Variants in OSCAR observed in about 807,000 individuals in gnomAD.
OSCAR encodes the protein osteoclast-associated immunoglobulin-like receptor.
OSCAR carries 25 observed loss-of-function variants against 27.3 expected under a neutral mutation model. The observed-to-expected ratio is 0.92, with a 90% confidence interval of 0.67 to 1.28. The LOEUF is 1.28. Ranked by LOEUF, OSCAR falls within the 50% of genes most tolerant of loss-of-function variation. OSCAR has a pLI of 0.00. For synonymous variants in OSCAR, 158 were observed against 165.7 expected, an observed-to-expected ratio of 0.95 and a Z score of 0.36; for missense variants, 354 against 355.1, an observed-to-expected ratio of 1.00 and a Z score of 0.03.
In OSCAR at chr19:54,096,847, A is replaced by C. The variant is rs1167479183; in HGVS notation, c.373+15T>G. 4 of 1,606,196 alleles carry C rather than the reference A, an allele frequency of 2.5e-6. No homozygotes were observed. The highest frequency in any genetic ancestry group is 3.4e-6 in the Non-Finnish European group (4 of 1,175,762). ...TTGTTCCACCCACTTCTCCTCCCCG[A>C]CCCCAGGACCTCACCTGTCACCAGC... On this transcript the variant is annotated intron_variant, in intron 3 of 4. Transcript: ENST00000358375.
intron 2 of OSCAR, among the ~76,000 whole-genome samples, chr19:54,098,379 A>G (rs1278940868): frequency 6.6e-6 from 1 of 152,128 alleles, no homozygotes; most frequent in African/African-American, 2.4e-5. Context: ...AGCCTGACCA[A>G]CATGGTAAAA....
intron 1 of OSCAR, 31 bp downstream of exon 1, chr19:54,100,725 G>A (rs1322334545): frequency 1.9e-6 from 3 of 1,550,010 alleles, no homozygotes; most frequent in Non-Finnish European, 2.6e-6. Context: ...ACCCCAGCCA[G>A]GAACCCAGGG....
chr19:54,096,847 A>G lies in OSCAR; in HGVS notation c.373+15T>C. On this transcript the variant is annotated intron_variant, in intron 3 of 4. Transcript: ENST00000358375. ...TTGTTCCACCCACTTCTCCTCCCCG[A>G]CCCCAGGACCTCACCTGTCACCAGC... 1 of 1,606,196 alleles carries G rather than the reference A, an allele frequency of 6.2e-7. No homozygotes were observed. Among genetic ancestry groups the G allele is most frequent in the Non-Finnish European group, 8.5e-7 (1 of 1,175,762 alleles).
rs1355207324 is a variant in OSCAR at position 54,095,885 on chromosome 19, G to A, written c.642C>T (p.Val214=). The A allele has an allele frequency of 1.9e-6, 3 of 1,560,692 alleles. No individual in the cohort carries two copies. The highest frequency in any genetic ancestry group is 2.6e-6 in the Non-Finnish European group (3 of 1,152,400). Residue 214 remains valine, a synonymous_variant, in exon 4 of 5, where the codon GTC becomes GTT. Transcript: ENST00000358375. Reference sequence around the variant, plus strand: ...CAGGGCCCTCACCTTCCCAGCTGATGACCAGCACCTCGCTGCGCTGCGACA... The same window carrying A: ...CAGGGCCCTCACCTTCCCAGCTGATAACCAGCACCTCGCTGCGCTGCGACA... ...YVLSQRSEVL[V]ISWEDSGSSD... is the part of the protein sequence containing the mutation.
Position 54,096,952 on chromosome 19 carries a change from C to A in OSCAR, c.283G>T (p.Gly95Trp). Residue 95 changes from glycine to tryptophan, a missense_variant, in exon 3 of 5, where the codon GGG becomes TGG. Coordinates refer to ENST00000358375, the MANE Select transcript of OSCAR (RefSeq NM_133169.6). ...CGGTAGCAGCAGCGGTAACTTCCCCCTTGGGCTGGAGTCACCTCCTCCAGA... is the reference window on the plus strand; with the variant it reads ...CGGTAGCAGCAGCGGTAACTTCCCCATTGGGCTGGAGTCACCTCCTCCAGA... The part of the protein sequence containing the change: ...FFLEEVTPAQ[G>W]GSYRCCYRRP... 6.2e-7 allele frequency: 1 copy of A among 1,614,210 alleles called. No individual in the cohort carries two copies. The highest frequency in any genetic ancestry group is 8.5e-7 in the Non-Finnish European group (1 of 1,180,042).
rs779867217 is a variant in OSCAR at position 54,095,333 on chromosome 19, C to CG, written c.679dup (p.Arg227ProfsTer24). 2 of 1,569,454 alleles carry CG rather than the reference C, an allele frequency of 1.3e-6. No individual in the cohort carries two copies. Among genetic ancestry groups the CG allele is most frequent in the Non-Finnish European group, 1.7e-6 (2 of 1,157,462 alleles). On this transcript the variant is annotated frameshift_variant, in exon 5 of 5. Transcript: ENST00000358375. LOFTEE classifies it high-confidence loss of function. The stretch of plus-strand genomic sequence containing the variant: ...CAGCCCCAGGCGGACTAGGTTCCCC[C>CG]GGGTGTAGTCGGAGGAGCCAGAGTC...
intron 4 of OSCAR, 63 bp downstream of exon 4, chr19:54,095,809 G>A (rs1262351159): frequency 1.9e-6 from 3 of 1,549,754 alleles, no homozygotes; most frequent in Non-Finnish European, 1.7e-6. Context: ...GGGTCTGAGG[G>A]CGGAGGTCCT....
At chr19:54,098,232 T>A (rs1271586283) in intron 2 of OSCAR, among the ~76,000 whole-genome samples, 1 of 152,192 alleles carries the variant, frequency 6.6e-6, no homozygotes, top group Non-Finnish European at 1.5e-5. Context: ...ATGATAGTAC[T>A]GGCAGATATC....
In OSCAR at chr19:54,096,151, C is replaced by T. The variant is rs994094628; in HGVS notation, c.376G>A (p.Glu126Lys). 7 of 1,516,836 alleles carry T rather than the reference C, an allele frequency of 4.6e-6. No individual in the cohort carries two copies. Among genetic ancestry groups the T allele is most frequent in the African/African-American group, 2.8e-5 (2 of 71,026 alleles). The allele number at this position is 1,516,836 out of a possible 1,614,324, so 94.0% of individuals were successfully genotyped here. A position where few individuals can be genotyped will look rare whatever the true frequency, so the allele number is the denominator to read the frequency against. The change falls in exon 4 of 5, where the codon GAG becomes AAG. Residue 126 changes from glutamate to lysine, a missense_variant and splice_region_variant. Coordinates refer to ENST00000358375, the MANE Select transcript of OSCAR (RefSeq NM_133169.6). Reference protein sequence around the residue: ...SDVLELLVTEELPRPSLVALP... With the variant: ...SDVLELLVTEKLPRPSLVALP... ...GCCACCAGCGACGGCCGCGGCAGCT[C>T]CTCTGCAGAGACGGGGTGAGAGTCC...
intron 4 of OSCAR, 89 bp from the exon 5 acceptor site, chr19:54,095,446 A>T: frequency 6.7e-7 from 1 of 1,488,472 alleles, no homozygotes; most frequent in Non-Finnish European, 8.9e-7. Context: ...CCTGGGGTGG[A>T]CTTAGGGACC....
At chr19:54,096,762 G>T in intron 3 of OSCAR, 100 bp downstream of exon 3, 1 of 1,312,824 alleles carries the variant, frequency 7.6e-7, no homozygotes, top group Non-Finnish European at 1.0e-6. Context: ...CTGTGAATCT[G>T]TTTGCCCGCC....
At chr19:54,096,190 C>T (rs1231574978) in intron 3 of OSCAR, 37 bp from the exon 4 acceptor site, 23 of 1,451,744 alleles carry the variant, frequency 1.6e-5, no homozygotes, top group Non-Finnish European at 2.1e-5. Flanking sequence ...GCCGCGTGAG[C>T]GTCTTCCGCT....
At chr19:54,097,722 T>A (rs1219499045) in intron 2 of OSCAR, among the ~76,000 whole-genome samples, 1 of 150,044 alleles carries the variant, frequency 6.7e-6, no homozygotes, top group African/African-American at 2.5e-5. Flanking sequence ...GCCTCCTGAG[T>A]ACCTGGGACC....
chr19:54,095,230 G>C lies in OSCAR; in HGVS notation c.783C>G (p.Ile261Met). The C allele has an allele frequency of 1.4e-5, 22 of 1,612,130 alleles. No homozygotes were observed. Among genetic ancestry groups the C allele is most frequent in the Non-Finnish European group, 1.7e-5 (20 of 1,179,364 alleles). Residue 261 changes from isoleucine (I) to methionine (M), a missense_variant, in exon 5 of 5, where the codon ATC (isoleucine) becomes ATG (methionine). Ile to Met is a conservative substitution (Grantham distance 10). Coordinates refer to ENST00000358375, the MANE Select transcript of OSCAR (RefSeq NM_133169.6). ...WRSQNRAPAG[I>M]RP ...GCAGTGCTCCTGGGGCTCAGGGGCG[G>C]ATACCAGCAGGAGCGCGGTTCTGAC...
At chr19:54,097,227 G>A in intron 2 of OSCAR, 63 bp from the exon 3 acceptor site, 2 of 1,492,858 alleles carry the variant, frequency 1.3e-6, no homozygotes, top group Non-Finnish European at 1.8e-6. Flanking sequence ...TGAAAGGGAA[G>A]TTGGGGAAGG....
rs1228940404 is a variant in OSCAR at position 54,099,229 on chromosome 19, A to ATTTTTTTTTTTTTTTTTTTTTTTTTT, written c.70+518_70+519insAAAAAAAAAAAAAAAAAAAAAAAAAA. Among the ~76,000 whole-genome samples the ATTTTTTTTTTTTTTTTTTTTTTTTTT allele has an allele frequency of 7.3e-5, 6 of 82,422 alleles. No individual in the cohort carries two copies. In the East Asian group the frequency reaches 1.6e-3, roughly 21 times the overall value. 54.1% of individuals were successfully genotyped at this position (82,422 alleles called of 152,430 possible). On this transcript the variant is annotated intron_variant, in intron 2 of 4. Transcript: ENST00000358375. The stretch of plus-strand genomic sequence containing the variant: ...AGGTGCGTCCCACCACACCCGGCTA[A>ATTTTTTTTTTTTTTTTTTTTTTTTTT]TTTTTTTTTTTTTTTTTTTTTTTTA...
chr19:54,099,444 C>T (rs1307178420), intron 2 of OSCAR: 10 of 831,126 alleles, frequency 1.2e-5, no homozygotes, highest in East Asian at 9.7e-5. Flanking sequence ...GATCTCACAG[C>T]GGCCCATTTT....
At position 54,095,991 on chromosome 19, in the gene OSCAR, C is replaced by T; in HGVS notation, c.536G>A (p.Trp179Ter). 6.3e-7 allele frequency: 1 copy of T among 1,588,188 alleles called. No homozygotes were observed. The highest frequency in any genetic ancestry group is 8.6e-7 in the Non-Finnish European group (1 of 1,168,724). ...GGCGCCCAGCAGCGTGAAGTCGGCC[C>T]AGGGCTGCGCGGAGTGGCGGTACTG... Reference protein sequence around the residue: ...PLQYRHSAQPWADFTLLGARA... With the variant: ...PLQYRHSAQP The change falls in exon 4 of 5, where the codon TGG becomes TAG. Residue 179 changes from tryptophan to a stop codon, truncating the protein, a stop_gained. Coordinates refer to ENST00000358375, the MANE Select transcript of OSCAR (RefSeq NM_133169.6). LOFTEE classifies it high-confidence loss of function.
chr19:54,099,673 G>A, intron 2 of OSCAR, 75 bp downstream of exon 2: 3 of 1,613,762 alleles, frequency 1.9e-6, no homozygotes, highest in Non-Finnish European at 2.5e-6. Flanking sequence ...ATGGGATTGG[G>A]CACCAAAATA....
Sources: gnomAD v4.1 joint callset for allele counts (sites outside exome capture counted in the v4.1 genomes callset) on GRCh38, gnomAD v4.1.1 for gene constraint, MANE v1.5 for transcripts, NCBI Gene and HGNC (gene_info 2026-07-23, HGNC 2026-07-21) for gene names.